CLEC16A: variants seen among roughly 807,000 people sequenced by gnomAD.
CLEC16A encodes protein CLEC16A.
Under a neutral mutation model 109.5 loss-of-function variants are expected in CLEC16A, and 51 were observed. The ratio of observed to expected loss-of-function variants is 0.47; its 90% CI spans 0.37 to 0.59. CLEC16A has a LOEUF of 0.59. Among genes scored for constraint, CLEC16A ranks in the 20% least tolerant of loss-of-function variants. The pLI is 0.00. For missense variants in CLEC16A, 1,339 were observed against 1,394.0 expected, an observed-to-expected ratio of 0.96 and a Z score of 0.63; for synonymous variants, 673 against 564.2, an observed-to-expected ratio of 1.19 and a Z score of -2.73.
chr16:10,984,560 C>T lies in CLEC16A; in HGVS notation c.1071+1569C>T, dbSNP rs552057716. Among the ~76,000 whole-genome samples the T allele has an allele frequency of 3.9e-5, 6 of 152,258 alleles. No homozygotes were observed. The South Asian group carries it at 1.2e-3, about 32-fold the overall frequency. On this transcript the variant is annotated intron_variant, in intron 10 of 23. Coordinates refer to ENST00000409790, the MANE Select transcript of CLEC16A (RefSeq NM_015226.3). ...AACTCACTGTCTTAACTCTTATAAG[C>T]GCTCTAAAGGGAAGAAGTGTTTGGT...
chr16:11,142,803 T>C (rs2053897290), intron 22 of CLEC16A, among the ~76,000 whole-genome samples: 1 of 152,194 alleles, frequency 6.6e-6, no homozygotes, highest in Non-Finnish European at 1.5e-5. Flanking sequence ...TCATTCCTTT[T>C]TCCAGTAAAC....
chr16:11,000,925 A>G (rs201104477), intron 10 of CLEC16A, among the ~76,000 whole-genome samples: 109 of 152,318 alleles, frequency 7.2e-4, no homozygotes, highest in African/African-American at 2.5e-3. Flanking sequence ...AATCTATATC[A>G]AGATAATGGA....
At chr16:11,059,072 C>T (rs2048352338) in intron 18 of CLEC16A, among the ~76,000 whole-genome samples, 2 of 152,218 alleles carry the variant, frequency 1.3e-5, no homozygotes, top group African/African-American at 4.8e-5. Context: ...CCTGAGTTCA[C>T]ACCCAGCTCA....
chr16:10,999,207 G>C (rs2044513035), intron 10 of CLEC16A, among the ~76,000 whole-genome samples: 1 of 152,034 alleles, frequency 6.6e-6, no homozygotes, highest in Non-Finnish European at 1.5e-5. Flanking sequence ...AAAGTGCTGG[G>C]ATTACAGACA....
At chr16:11,000,475 A>G (rs2044604131) in intron 10 of CLEC16A, among the ~76,000 whole-genome samples, 1 of 152,078 alleles carries the variant, frequency 6.6e-6, no homozygotes, top group Non-Finnish European at 1.5e-5. Flanking sequence ...TCTGAAATTC[A>G]CTAGGAGTTG....
intron 13 of CLEC16A, among the ~76,000 whole-genome samples, chr16:11,029,487 C>T (rs2046615043): frequency 1.3e-5 from 2 of 152,196 alleles, no homozygotes; most frequent in Non-Finnish European, 1.5e-5. Context: ...GAGAGAACCA[C>T]AGTCTTTGGG....
chr16:11,032,882 A>G (rs1406095136), intron 13 of CLEC16A, among the ~76,000 whole-genome samples: 2 of 152,160 alleles, frequency 1.3e-5, no homozygotes, highest in African/African-American at 4.8e-5. Context: ...TTTTTTCTCC[A>G]AGTGCAATGG....
intron 7 of CLEC16A, among the ~76,000 whole-genome samples, chr16:10,976,205 G>A (rs1309188039): frequency 6.6e-6 from 1 of 152,118 alleles, no homozygotes; most frequent in Non-Finnish European, 1.5e-5. Flanking sequence ...GGGAGGTTGA[G>A]GCTGTAATGA....
intron 22 of CLEC16A, among the ~76,000 whole-genome samples, chr16:11,162,218 C>T (rs919056671): frequency 6.6e-6 from 1 of 152,238 alleles, no homozygotes; most frequent in Admixed American, 6.5e-5. Flanking sequence ...GCCCCCCGAC[C>T]GTGAAACTGG....
At chr16:11,064,606 G>T (rs1342636828) in intron 19 of CLEC16A, among the ~76,000 whole-genome samples, 1 of 152,084 alleles carries the variant, frequency 6.6e-6, no homozygotes, top group African/African-American at 2.4e-5. Context: ...GTGAGACCTT[G>T]TCTCTACTAA....
intron 22 of CLEC16A, among the ~76,000 whole-genome samples, chr16:11,129,761 CCT>C (rs1491251974): frequency 6.8e-5 from 9 of 133,092 alleles, no homozygotes; most frequent in African/African-American, 2.8e-4. Flanking sequence ...TGGCCTGGTT[CCT>C]TTTTTTTTTT....
At chr16:11,030,621 T>G (rs757809108) in intron 13 of CLEC16A, among the ~76,000 whole-genome samples, 5 of 152,172 alleles carry the variant, frequency 3.3e-5, no homozygotes, top group Non-Finnish European at 5.9e-5. Flanking sequence ...AAAAAAAATA[T>G]TGTGTTTCGA....
intron 1 of CLEC16A, among the ~76,000 whole-genome samples, chr16:10,948,873 C>T (rs1238567535): frequency 6.6e-6 from 1 of 152,178 alleles, no homozygotes; most frequent in East Asian, 1.9e-4. Flanking sequence ...GCTTAGCATT[C>T]CTGAGGAAAA....
At chr16:10,949,953 G>A (rs764991237) in intron 1 of CLEC16A, among the ~76,000 whole-genome samples, 34 of 152,182 alleles carry the variant, frequency 2.2e-4, no homozygotes, top group South Asian at 2.1e-4. Flanking sequence ...GCTCTATCCC[G>A]AAAATGCCAG....
At chr16:10,996,613 C>G (rs1448918979) in intron 10 of CLEC16A, among the ~76,000 whole-genome samples, 6 of 152,222 alleles carry the variant, frequency 3.9e-5, no homozygotes, top group African/African-American at 1.4e-4. Context: ...CCTCCCAGCC[C>G]TGGCGCATTT....
At chr16:11,100,256 C>G (rs1208547857) in intron 19 of CLEC16A, among the ~76,000 whole-genome samples, 2 of 152,196 alleles carry the variant, frequency 1.3e-5, no homozygotes, top group Non-Finnish European at 2.9e-5. Context: ...TTCTCACCAC[C>G]TATCATGCCC....
At chr16:11,075,835 C>A (rs1033284046) in intron 19 of CLEC16A, among the ~76,000 whole-genome samples, 1 of 152,054 alleles carries the variant, frequency 6.6e-6, no homozygotes, top group Non-Finnish European at 1.5e-5. Flanking sequence ...CTGTGCCTGG[C>A]GTCTTGATAG....
At chr16:10,986,185 C>A (rs921848464) in intron 10 of CLEC16A, among the ~76,000 whole-genome samples, 1 of 151,802 alleles carries the variant, frequency 6.6e-6, no homozygotes, top group African/African-American at 2.4e-5. Context: ...CGCCTGCCCC[C>A]ACACCCGGCT....
intron 22 of CLEC16A, among the ~76,000 whole-genome samples, chr16:11,154,925 T>C (rs1378453992): frequency 6.6e-6 from 1 of 151,518 alleles, no homozygotes; most frequent in African/African-American, 2.4e-5. Flanking sequence ...GGACTCCATC[T>C]CAAAAATAAA....
Sources: gnomAD v4.1 joint callset for allele counts (sites outside exome capture counted in the v4.1 genomes callset) on GRCh38, gnomAD v4.1.1 for gene constraint, MANE v1.5 for transcripts, NCBI Gene and HGNC (gene_info 2026-07-23, HGNC 2026-07-21) for gene names.